MYO1G: variants seen among roughly 807,000 people sequenced by gnomAD.
MYO1G encodes the protein unconventional myosin-Ig.
In MYO1G, 65 loss-of-function variants were observed where a neutral mutation model predicts 115.3. The ratio of observed to expected loss-of-function variants is 0.56; its 90% CI spans 0.46 to 0.69. The LOEUF (loss-of-function observed/expected upper bound fraction) is 0.69. Ranked by LOEUF, MYO1G falls within the 30% of genes least tolerant of loss-of-function variation. MYO1G has a pLI of 0.00. For synonymous variants in MYO1G, 510 were observed against 552.6 expected (o/e 0.92, Z 1.08); for missense variants, 1,204 against 1,393.5 (o/e 0.86, Z 2.16).
At chr7:44,978,150 C>T (rs1795115656) in intron 1 of MYO1G, among the ~76,000 whole-genome samples, 1 of 152,154 alleles carries the variant, frequency 6.6e-6, no homozygotes, top group Admixed American at 6.5e-5. Flanking sequence ...TTCCGGAGTA[C>T]ACAGCGAGTG....
chr7:44,972,275 CT>C, intron 5 of MYO1G, 50 bp from the exon 6 acceptor site: 1 of 1,302,020 alleles, frequency 7.7e-7, no homozygotes, highest in Non-Finnish European at 1.1e-6. Context: ...GGATGTCCCC[CT>C]GTACACACAC....
intron 7 of MYO1G, 32 bp downstream of exon 7, chr7:44,971,641 G>A: frequency 6.7e-7 from 1 of 1,497,732 alleles, no homozygotes; most frequent in African/African-American, 1.4e-5. Flanking sequence ...TTGTGGGGAA[G>A]TAGCCCTCCC....
Position 44,969,195 on chromosome 7 carries a change from G to T in MYO1G, c.1574+218C>A. The stretch of plus-strand genomic sequence containing the variant: ...GGGTATTTTTTAAAGGCTCCCAGAA[G>T]AATGCAGCCATGGTTAACCACTATC... On this transcript the variant is annotated intron_variant, in intron 12 of 21. Transcript: ENST00000258787. This position sits in a 1 kb window ranked among gnomAD's most constrained non-coding sequence, Gnocchi z 5.0. 1 of 556,748 alleles carries T rather than the reference G, an allele frequency of 1.8e-6. No homozygotes were observed. Among genetic ancestry groups the T allele is most frequent in the Non-Finnish European group, 3.3e-6 (1 of 307,018 alleles). 34.5% of individuals were successfully genotyped at this position (556,748 alleles called of 1,614,324 possible).
At position 44,975,507 on chromosome 7, in the gene MYO1G, T is replaced by C; in HGVS notation, c.541A>G (p.Ile181Val). The change falls in exon 4 of 22, where the codon ATC (isoleucine) becomes GTC (valine). Residue 181 changes from isoleucine to valine, a missense_variant. Coordinates refer to ENST00000258787, the MANE Select transcript of MYO1G (RefSeq NM_033054.3). ...DFKGDPIGGHIHSYLLEKSRV... is the reference protein window; with the variant it reads ...DFKGDPIGGHVHSYLLEKSRV... ...ACCTTCTCCAGTAGGTAGCTGTGGA[T>C]GTGTCCTCCGATCGGGTCCCCCTTG... 1.9e-6 allele frequency: 3 copies of C among 1,612,976 alleles called. No individual in the cohort carries two copies. The highest frequency in any genetic ancestry group is 2.5e-6 in the Non-Finnish European group (3 of 1,179,306).
In MYO1G at chr7:44,965,626, G is replaced by C; in HGVS notation, c.2381+11C>G. 1 of 1,609,324 alleles carries C rather than the reference G, an allele frequency of 6.2e-7. No individual in the cohort carries two copies. Among genetic ancestry groups the C allele is most frequent in the Non-Finnish European group, 8.5e-7 (1 of 1,176,164 alleles). On this transcript the variant is annotated intron_variant, in intron 17 of 21. Transcript: ENST00000258787. ...AGCTGAATGGAATGTGTGGTGGGCT[G>C]AGAGTAGTACCTGCAGAAGAGTGCG...
chr7:44,972,341 G>T, intron 5 of MYO1G, 116 bp from the exon 6 acceptor site: 3 of 746,974 alleles, frequency 4.0e-6, no homozygotes, highest in Non-Finnish European at 7.0e-6. Context: ...ACGAACAAAC[G>T]TGGGGGAAGG....
Position 44,962,969 on chromosome 7 carries a change from C to T in MYO1G, c.2900+1G>A. 6.5e-7 allele frequency: 1 copy of T among 1,532,556 alleles called. No homozygotes were observed. Among genetic ancestry groups the T allele is most frequent in the Non-Finnish European group, 8.7e-7 (1 of 1,143,724 alleles). 94.9% of individuals were successfully genotyped at this position (1,532,556 alleles called of 1,614,324 possible). ...CCCGCTACCGCCCAGCCTGCACTCA[C>T]CCCTGGCAGTGTGCGGCCAGCACGC... On this transcript the variant is annotated splice_donor_variant, in intron 21 of 21. Coordinates refer to ENST00000258787, the MANE Select transcript of MYO1G (RefSeq NM_033054.3). LOFTEE classifies it high-confidence loss of function. This position sits in a 1 kb window ranked among gnomAD's most constrained non-coding sequence, Gnocchi z 5.3.
Position 44,971,756 on chromosome 7 carries a change from C to G in MYO1G, c.763G>C (p.Val255Leu). The G allele has an allele frequency of 6.4e-7, 1 of 1,555,938 alleles. No homozygotes were observed. The highest frequency in any genetic ancestry group is 8.7e-7 in the Non-Finnish European group (1 of 1,149,094). ...LDSDEQSHQA[V>L]TEAMRVIGFS... is the part of the protein sequence containing the mutation. ...CCGATGACCCTCATGGCCTCGGTCA[C>G]TGCCTGGTGGCTCTGCTCATCACTG... Residue 255 changes from valine (V) to leucine (L), a missense_variant, in exon 7 of 22, where the codon GTG becomes CTG. By Grantham distance (32) the Val-to-Leu change is conservative. Transcript: ENST00000258787.
Position 44,964,526 on chromosome 7 carries a change from A to T in MYO1G, c.2527-7T>A, listed in dbSNP as rs370929321. 6.2e-7 allele frequency: 1 copy of T among 1,611,026 alleles called. No homozygotes were observed. Among genetic ancestry groups the T allele is most frequent in the Non-Finnish European group, 8.5e-7 (1 of 1,177,462 alleles). On this transcript the variant is annotated splice_region_variant and splice_polypyrimidine_tract_variant and intron_variant, in intron 18 of 21. Transcript: ENST00000258787. This position sits in a 1 kb window ranked among gnomAD's most constrained non-coding sequence, Gnocchi z 5.1. Reference sequence around the variant, plus strand: ...CTGTGGGATTGTCAGTGGCCTGAGGACAGATGGAGGGGAGGGGGCGCTGCT... The same window carrying T: ...CTGTGGGATTGTCAGTGGCCTGAGGTCAGATGGAGGGGAGGGGGCGCTGCT...
At chr7:44,974,772 A>ATT (rs1491112618) in intron 5 of MYO1G, 1 of 241,762 alleles carries the variant, frequency 4.1e-6, no homozygotes, top group Non-Finnish European at 8.5e-6. Flanking sequence ...CCTATCTCAC[A>ATT]GAGGTGCTCA....
At chr7:44,968,907 T>C (rs10253506) in intron 12 of MYO1G, 143,967 of 164,196 alleles carry the variant, frequency 0.88, 63,444 homozygotes, top group African/African-American at 0.97. Flanking sequence ...ACTTATACCT[T>C]GATGTGAGTC....
Position 44,964,126 on chromosome 7 carries a change from G to T in MYO1G, c.2668C>A (p.Leu890Met), listed in dbSNP as rs1254946866. Residue 890 changes from leucine (L) to methionine (M), a missense_variant, in exon 20 of 22, where the codon CTG becomes ATG. Leu to Met is a conservative substitution (Grantham distance 15). Coordinates refer to ENST00000258787, the MANE Select transcript of MYO1G (RefSeq NM_033054.3). The surrounding 1 kb of genome is among the most constrained non-coding windows in gnomAD (Gnocchi z 5.1). ...TTGTAGAGGTGCTGGTCTGTGAGCAGGAGGGCCCGGTTCCGGATCTTGTGG... is the reference window on the plus strand; with the variant it reads ...TTGTAGAGGTGCTGGTCTGTGAGCATGAGGGCCCGGTTCCGGATCTTGTGG... Reference protein sequence around the residue: ...RFHKIRNRALLLTDQHLYKLD... With the variant: ...RFHKIRNRALMLTDQHLYKLD... 6.2e-7 allele frequency: 1 copy of T among 1,605,028 alleles called. No homozygotes were observed.
In MYO1G at chr7:44,964,168, G is replaced by C. The variant is rs1223156158; in HGVS notation, c.2632-6C>G. On this transcript the variant is annotated splice_region_variant and splice_polypyrimidine_tract_variant and intron_variant, in intron 19 of 21. Transcript: ENST00000258787. This position sits in a 1 kb window ranked among gnomAD's most constrained non-coding sequence, Gnocchi z 5.1. ...ATCTTGTGGAAGCGGTTCACCTGTG[G>C]GAGAGGTGGCTGGACCCAGGCTGGT... is the stretch of plus-strand genomic sequence containing the variant. 10 of 1,579,540 alleles carry C rather than the reference G, an allele frequency of 6.3e-6. No homozygotes were observed. Among genetic ancestry groups the C allele is most frequent in the Admixed American group, 1.8e-5 (1 of 54,612 alleles).
rs755469497 is a variant in MYO1G, at chr7:44,969,822, A to T, written c.1386T>A (p.Arg462=). 5 of 1,613,230 alleles carry T rather than the reference A, an allele frequency of 3.1e-6. No individual in the cohort carries two copies. Among genetic ancestry groups the T allele is most frequent in the Non-Finnish European group, 4.2e-6 (5 of 1,179,798 alleles). The change falls in exon 11 of 22, where the codon CGT becomes CGA. Residue 462 remains arginine (R), a synonymous_variant. Coordinates refer to ENST00000258787, the MANE Select transcript of MYO1G (RefSeq NM_033054.3). This position sits in a 1 kb window ranked among gnomAD's most constrained non-coding sequence, Gnocchi z 5.0. ...CCTCGTCCAGCACGGCCAGGATGCC[A>T]CGGTGGGGCCGCTCCACCAGATCCA... ...TIVDLVERPH[R]GILAVLDEAC...
intron 1 of MYO1G, among the ~76,000 whole-genome samples, chr7:44,977,603 G>C (rs59388988): frequency 0.2 from 28,609 of 143,332 alleles, 3,033 homozygotes; most frequent in Non-Finnish European, 0.22. Context: ...TTACACCCCC[G>C]ACCCCCCAGC....
rs147311739 is a variant in MYO1G, at chr7:44,971,159, C to A, written c.847-100G>T. On this transcript the variant is annotated intron_variant, in intron 7 of 21. Coordinates refer to ENST00000258787, the MANE Select transcript of MYO1G (RefSeq NM_033054.3). ...GGAAGGAAAGCAGGGGACATGGATG[C>A]GGTAGAGTACAGCTCCTTCTCAGAC... 1.4e-5 allele frequency: 14 copies of A among 1,014,712 alleles called. No individual in the cohort carries two copies. The East Asian group carries it at 3.4e-4, about 25-fold the overall frequency. The allele number at this position is 1,014,712 out of a possible 1,614,324, so 62.9% of individuals were successfully genotyped here. A position where few individuals can be genotyped will look rare whatever the true frequency, so the allele number is the denominator to read the frequency against.
chr7:44,977,293 G>C (rs1795074124), intron 1 of MYO1G, among the ~76,000 whole-genome samples: 1 of 152,248 alleles, frequency 6.6e-6, no homozygotes, highest in African/African-American at 2.4e-5. Context: ...GCGGCATAGA[G>C]TTTGGGGTCC....
Position 44,969,205 on chromosome 7 carries a change from A to C in MYO1G, c.1574+208T>G. The C allele has an allele frequency of 1.4e-5, 8 of 552,540 alleles. No individual in the cohort carries two copies. The highest frequency in any genetic ancestry group is 6.5e-5 in the East Asian group (2 of 30,972). The allele number at this position is 552,540 out of a possible 1,614,324, so 34.2% of individuals were successfully genotyped here. On this transcript the variant is annotated intron_variant, in intron 12 of 21. Transcript: ENST00000258787. This position sits in a 1 kb window ranked among gnomAD's most constrained non-coding sequence, Gnocchi z 5.0. The stretch of plus-strand genomic sequence containing the variant: ...TAAAGGCTCCCAGAAGAATGCAGCC[A>C]TGGTTAACCACTATCCTCAAACCCT...
chr7:44,970,027 C>T lies in MYO1G; in HGVS notation c.1332+13G>A. On this transcript the variant is annotated intron_variant, in intron 10 of 21. Coordinates refer to ENST00000258787, the MANE Select transcript of MYO1G (RefSeq NM_033054.3). ...CCCCACTGCCTGGCCTCCCTCCAGG[C>T]CACAGTGCTCACGCTCTGCCAGGTG... The T allele has an allele frequency of 6.2e-7, 1 of 1,612,348 alleles. No homozygotes were observed. The highest frequency in any genetic ancestry group is 8.5e-7 in the Non-Finnish European group (1 of 1,178,790).
Sources: gnomAD v4.1 joint callset for allele counts (sites outside exome capture counted in the v4.1 genomes callset) on GRCh38, gnomAD v4.1.1 for gene constraint, Gnocchi (gnomAD v3.1) non-coding constraint, MANE v1.5 for transcripts, NCBI Gene and HGNC (gene_info 2026-07-23, HGNC 2026-07-21) for gene names.